The following TGM2 variants were observed in gnomAD, a reference collection of about 807,000 sequenced individuals.
The protein encoded by TGM2 is transglutaminase 2.
Under a neutral mutation model 75.6 loss-of-function variants are expected in TGM2, and 53 were observed. That is an observed-to-expected ratio of 0.70 (90% confidence interval 0.56 to 0.88). The LOEUF (loss-of-function observed/expected upper bound fraction) is 0.88. TGM2 is among the 40% of genes least tolerant of loss of function. The pLI, the probability that TGM2 is intolerant of heterozygous loss-of-function variation, is 0.00. For synonymous variants in TGM2, 374 were observed against 381.1 expected (o/e 0.98, Z 0.22); for missense variants, 842 against 928.5 (o/e 0.91, Z 1.21).
chr20:38,138,304 A>G lies in TGM2; in HGVS notation c.1424T>C (p.Met475Thr), dbSNP rs1048890480. 8 of 1,614,174 alleles carry G rather than the reference A, an allele frequency of 5.0e-6. No individual in the cohort carries two copies. The highest frequency in any genetic ancestry group is 5.9e-6 in the Non-Finnish European group (7 of 1,180,030). ...LAEKEETGMA[M>T]RIRVGQSMNM... is the part of the protein sequence containing the mutation. ...CATGCTCTGGCCCACACGGATCCGC[A>G]TGGCCATCCCTGTCTCCTCCTTCTC... The change falls in exon 10 of 13, where the codon ATG (methionine) becomes ACG (threonine). Residue 475 changes from methionine (M) to threonine (T), a missense_variant. By Grantham distance (81) the Met-to-Thr change is moderately conservative. Coordinates refer to ENST00000361475, the MANE Select transcript of TGM2 (RefSeq NM_004613.4).
At chr20:38,134,979 G>T (rs1600481444) in intron 10 of TGM2, among the ~76,000 whole-genome samples, 1 of 152,342 alleles carries the variant, frequency 6.6e-6, no homozygotes, top group Admixed American at 6.5e-5. Context: ...CAATGCCCAG[G>T]ACCTTCTGTC....
intron 10 of TGM2, chr20:38,133,566 G>A (rs1730945870): frequency 6.6e-6 from 1 of 152,362 alleles, no homozygotes; most frequent in African/African-American, 2.4e-5. Context: ...AAGGATTCAT[G>A]TAGTTTAGCA....
At chr20:38,134,360 T>G (rs1372869510) in intron 10 of TGM2, among the ~76,000 whole-genome samples, 3 of 152,186 alleles carry the variant, frequency 2.0e-5, no homozygotes, top group African/African-American at 7.2e-5. Flanking sequence ...GGGTGAAAAT[T>G]ACTAGGTCAA....
rs990030802 is a variant in TGM2 at position 38,161,714 on chromosome 20, A to G, written c.11-115T>C. On this transcript the variant is annotated intron_variant, in intron 1 of 12. Transcript: ENST00000361475. ...TGCCCTCTTACTCCCCACAAAGCAC[A>G]GCCATTGTTTCGACTGACCTGTCTC... The G allele has an allele frequency of 5.6e-5, 73 of 1,294,388 alleles. 1 individual carries two copies. Among genetic ancestry groups the G allele is most frequent in the Middle Eastern group, 2.3e-4 (1 of 4,364 alleles). 80.2% of individuals were successfully genotyped at this position (1,294,388 alleles called of 1,614,324 possible).
rs533343230 is a variant in TGM2 at position 38,146,729 on chromosome 20, C to T, written c.847G>A (p.Val283Met). The T allele has an allele frequency of 2.4e-5, 39 of 1,612,832 alleles. No homozygotes were observed. The highest frequency in any genetic ancestry group is 1.6e-4 in the South Asian group (15 of 91,020). The change falls in exon 6 of 13, where the codon GTG becomes ATG. Residue 283 changes from valine to methionine, a missense_variant. Physicochemically the swap from Val to Met is conservative, Grantham distance 21. Transcript: ENST00000361475. ...KYGQCWVFAA[V>M]ACTVLRCLGI... The stretch of plus-strand genomic sequence containing the variant: ...GCGTGCAGCTCACCTGTGCAGGCCA[C>T]GGCGGCGAAGACCCAGCACTGGCCA...
At chr20:38,139,813 G>A (rs2074949085) in intron 8 of TGM2, among the ~76,000 whole-genome samples, 159 bp from the exon 9 acceptor site, 1 of 152,170 alleles carries the variant, frequency 6.6e-6, no homozygotes, top group African/African-American at 2.4e-5. Context: ...CAGGGCAAGG[G>A]TTCAGAATAG....
intron 3 of TGM2, among the ~76,000 whole-genome samples, chr20:38,153,253 G>A (rs1265385348): frequency 1.3e-5 from 2 of 152,128 alleles, no homozygotes; most frequent in Non-Finnish European, 2.9e-5. Context: ...GGCCGGGCGT[G>A]GTGGCTCACG....
chr20:38,136,081 G>C (rs2074896786), intron 10 of TGM2, among the ~76,000 whole-genome samples: 1 of 152,224 alleles, frequency 6.6e-6, no homozygotes, highest in South Asian at 2.1e-4. Flanking sequence ...GTTGGGCCCT[G>C]TCCTGGTACC....
At chr20:38,135,399 A>G (rs1401763394) in intron 10 of TGM2, among the ~76,000 whole-genome samples, 1 of 141,528 alleles carries the variant, frequency 7.1e-6, no homozygotes, top group African/African-American at 2.7e-5. Flanking sequence ...GACCTCCTAA[A>G]TGTATACACA....
At chr20:38,164,901 C>T (rs79713345) in intron 1 of TGM2, among the ~76,000 whole-genome samples, 1 of 152,232 alleles carries the variant, frequency 6.6e-6, no homozygotes, top group South Asian at 2.1e-4. Context: ...AGCCAGCCCC[C>T]ACTGACTGAC....
chr20:38,138,427 G>A, intron 9 of TGM2, 42 bp from the exon 10 acceptor site: 1 of 1,612,290 alleles, frequency 6.2e-7, no homozygotes, highest in Non-Finnish European at 8.5e-7. Flanking sequence ...AGCTGGAATA[G>A]ATCACAGGAA....
At chr20:38,168,156 A>ACTAT (rs2075324524), upstream of TGM2, among the ~76,000 whole-genome samples, 1 of 152,196 alleles carries the variant, frequency 6.6e-6, no homozygotes, top group South Asian at 2.1e-4. Context: ...ATTCCACAGA[A>ACTAT]CTATGGCCAC....
At position 38,138,146 on chromosome 20, in the gene TGM2, A is replaced by T. The variant is rs1477168506; in HGVS notation, c.1582T>A (p.Tyr528Asn). The T allele has an allele frequency of 6.2e-7, 1 of 1,601,588 alleles. No homozygotes were observed. The highest frequency in any genetic ancestry group is 2.3e-5 in the East Asian group (1 of 44,140). ...GILGPECGTKYLLNLNLEPFS... is the reference protein window; with the variant it reads ...GILGPECGTKNLLNLNLEPFS... ...GGCTCCAGGTTGAGGTTGAGCAGGT[A>T]CTTGGTGCCACACTCGGGCCCCAAG... Residue 528 changes from tyrosine (Y) to asparagine (N), a missense_variant, in exon 10 of 13, where the codon TAC (tyrosine) becomes AAC (asparagine). Physicochemically the swap from Tyr to Asn is moderately radical, Grantham distance 143. Transcript: ENST00000361475.
intron 6 of TGM2, among the ~76,000 whole-genome samples, chr20:38,143,233 G>A (rs2074997928): frequency 6.6e-6 from 1 of 152,194 alleles, no homozygotes; most frequent in South Asian, 2.1e-4. Context: ...CAGCAGAACA[G>A]GCAGAGGAGG....
chr20:38,167,808 T>C (rs752220579), upstream of TGM2, among the ~76,000 whole-genome samples: 2 of 152,184 alleles, frequency 1.3e-5, no homozygotes, highest in Non-Finnish European at 2.9e-5. Context: ...ACTTAGTTCA[T>C]TACACAGAGT....
intron 6 of TGM2, 107 bp downstream of exon 6, chr20:38,146,610 G>A (rs763932427): frequency 1.9e-5 from 26 of 1,351,022 alleles, no homozygotes; most frequent in Non-Finnish European, 2.5e-5. Flanking sequence ...CATTGAGAGT[G>A]TTGGTGGCAG....
chr20:38,159,262 A>C (rs2075225461), intron 2 of TGM2, among the ~76,000 whole-genome samples: 1 of 152,198 alleles, frequency 6.6e-6, no homozygotes, highest in South Asian at 2.1e-4. Context: ...CAGGAGCAGA[A>C]AAGCAAATCC....
Position 38,127,400 on chromosome 20 carries a change from T to C in TGM2, c.*2819A>G. Reference sequence around the variant, plus strand: ...ACCCAGAACACGTGATGTCATGTTTTTATTTTGATTTATTTTTTATGTGCA... The same window carrying C: ...ACCCAGAACACGTGATGTCATGTTTCTATTTTGATTTATTTTTTATGTGCA... On this transcript the variant is annotated 3_prime_UTR_variant, in exon 13 of 13. Coordinates refer to ENST00000361475, the MANE Select transcript of TGM2 (RefSeq NM_004613.4). The C allele has an allele frequency of 1.0e-6, 1 of 983,396 alleles. No individual in the cohort carries two copies. 60.9% of individuals were successfully genotyped at this position (983,396 alleles called of 1,614,324 possible).
intron 6 of TGM2, 32 bp from the exon 7 acceptor site, chr20:38,142,231 T>C: frequency 5.6e-6 from 9 of 1,613,308 alleles, no homozygotes; most frequent in Non-Finnish European, 7.6e-6. Context: ...CGGGGTGAGG[T>C]CCTGGAGACA....
Sources: allele counts gnomAD v4.1 joint callset (sites outside exome capture counted in the v4.1 genomes callset), GRCh38; gene constraint gnomAD v4.1.1; transcripts MANE v1.5; gene names NCBI Gene and HGNC (gene_info 2026-07-23, HGNC 2026-07-21).